The following HK1 variants were observed in gnomAD, a reference collection of about 807,000 sequenced individuals.
HK1 encodes hexokinase-1.
A neutral mutation model predicts 91.6 loss-of-function variants in HK1; 28 were observed. The observed-to-expected ratio is 0.31, with a 90% CI of 0.23 to 0.42. The LOEUF is 0.42. Among genes scored for constraint, HK1 ranks in the 10% least tolerant of loss-of-function variants. The probability of loss-of-function intolerance (pLI) is 1.00; values close to 1 mark genes in which losing one functional copy is unlikely to be tolerated. For synonymous variants in HK1, 430 were observed against 468.1 expected (o/e 0.92, Z 1.05); for missense variants, 770 against 1,219.8 (o/e 0.63, Z 5.49).
chr10:69,344,937 G>A (rs1261521743), intron 2 of HK1, among the ~76,000 whole-genome samples: 1 of 152,070 alleles, frequency 6.6e-6, no homozygotes, highest in Non-Finnish European at 1.5e-5. Context: ...GTGAGTACAC[G>A]ACCAGTGAGT....
chr10:69,308,091 A>T (rs923393174), intron 5 of HK1, among the ~76,000 whole-genome samples: 1 of 152,102 alleles, frequency 6.6e-6, no homozygotes, highest in African/African-American at 2.4e-5. Flanking sequence ...GACCCACCTC[A>T]GCCTCCCAAA....
At chr10:69,372,848 T>C (rs1218441089) in intron 7 of HK1, among the ~76,000 whole-genome samples, 2 of 151,998 alleles carry the variant, frequency 1.3e-5, no homozygotes, top group African/African-American at 4.8e-5. Flanking sequence ...ATTCCAATTT[T>C]TAACCAGGGT....
At chr10:69,381,799 C>T (rs933397932) in intron 9 of HK1, among the ~76,000 whole-genome samples, 1 of 152,324 alleles carries the variant, frequency 6.6e-6, no homozygotes, top group Non-Finnish European at 1.5e-5. Context: ...GGTGATCCAC[C>T]TGCCTTGGCC....
chr10:69,285,551 T>C (rs1844988783), intron 2 of HK1, among the ~76,000 whole-genome samples: 1 of 152,208 alleles, frequency 6.6e-6, no homozygotes, highest in Admixed American at 6.5e-5. Context: ...TAAACTCAAG[T>C]AAATGACACA....
chr10:69,337,210 C>G (rs1295273587), intron 1 of HK1, among the ~76,000 whole-genome samples: 1 of 152,186 alleles, frequency 6.6e-6, no homozygotes, highest in Non-Finnish European at 1.5e-5. Context: ...GTACTTTCCA[C>G]CATGTGAGGA....
In HK1 at chr10:69,349,145, C is replaced by A. The variant is rs1247947697; in HGVS notation, c.226+5156C>A. Among the ~76,000 whole-genome samples, 3 of 152,112 alleles carry A rather than the reference C, an allele frequency of 2.0e-5. No individual in the cohort carries two copies. The East Asian group carries it at 5.8e-4, about 29-fold the overall frequency. On this transcript the variant is annotated intron_variant, in intron 2 of 17. Coordinates refer to ENST00000359426, the MANE Select transcript of HK1 (RefSeq NM_000188.3). ...TTGAAAGAGGAAGTTGGGAGGAAAC[C>A]TATTACTGCAGAAAGAGGCTGAGCT...
At chr10:69,278,910 A>G (rs1194559997) in intron 1 of HK1, 1 of 152,194 alleles carries the variant, frequency 6.6e-6, no homozygotes, top group East Asian at 1.9e-4. Flanking sequence ...CCAGTTGAAG[A>G]GCATGTGGTT....
chr10:69,392,131 G>A lies in HK1; in HGVS notation c.2042G>A (p.Gly681Asp). 1 of 1,614,160 alleles carries A rather than the reference G, an allele frequency of 6.2e-7. No individual in the cohort carries two copies. Among genetic ancestry groups the A allele is most frequent in the Non-Finnish European group, 8.5e-7 (1 of 1,180,032 alleles). ...TCEVGLIVGT[G>D]SNACYMEEMK... ...GCCCCCTCGTGTGTTCCAGGGACCG[G>A]CAGCAATGCCTGCTACATGGAGGAG... The change falls in exon 15 of 18, where the codon GGC becomes GAC. Residue 681 changes from glycine to aspartate, a missense_variant. Around this residue, in one of 7 missense-constraint regions of HK1, gnomAD observed 152 missense variants for 211.1 expected, o/e 0.72. Coordinates refer to ENST00000359426, the MANE Select transcript of HK1 (RefSeq NM_000188.3).
intron 3 of HK1, chr10:69,292,178 C>T (rs1845323665): frequency 7.9e-6 from 2 of 253,798 alleles, no homozygotes; most frequent in Non-Finnish European, 1.6e-5. Flanking sequence ...TCAACTGATC[C>T]TCTTGCCTCA....
At chr10:69,397,211 G>A (rs1840181544) in intron 16 of HK1, among the ~76,000 whole-genome samples, 2 of 152,064 alleles carry the variant, frequency 1.3e-5, no homozygotes, top group African/African-American at 2.4e-5. Flanking sequence ...CTGTTCAGTT[G>A]TTTGTGGAAC....
At chr10:69,346,042 G>A (rs916863941) in intron 2 of HK1, among the ~76,000 whole-genome samples, 3 of 151,916 alleles carry the variant, frequency 2.0e-5, no homozygotes, top group African/African-American at 4.8e-5. Context: ...TGATGCTAAG[G>A]ACTTGGATAC....
rs868505418 is a variant in HK1, at chr10:69,369,672, A to G, written c.875+48A>G. ...TAACCACATATGTGAGTTAGGGGAC[A>G]TTTGATGAAAGATTTGGGATGGGAG... On this transcript the variant is annotated intron_variant, in intron 7 of 17. Coordinates refer to ENST00000359426, the MANE Select transcript of HK1 (RefSeq NM_000188.3). The surrounding 1 kb of genome is among the most constrained non-coding windows in gnomAD (Gnocchi z 4.4). The G allele has an allele frequency of 6.5e-7, 1 of 1,533,114 alleles. No individual in the cohort carries two copies. The highest frequency in any genetic ancestry group is 9.0e-7 in the Non-Finnish European group (1 of 1,115,232). 95.0% of individuals were successfully genotyped at this position (1,533,114 alleles called of 1,614,324 possible). A position where few individuals can be genotyped will look rare whatever the true frequency, so the allele number is the denominator to read the frequency against.
In HK1 at chr10:69,359,768, T is replaced by C. The variant is rs187138353; in HGVS notation, c.227-129T>C. On this transcript the variant is annotated intron_variant, in intron 2 of 17. Coordinates refer to ENST00000359426, the MANE Select transcript of HK1 (RefSeq NM_000188.3). ...TGGATGAAGTTTGCATGATTGCTGC[T>C]TTCTGGCTGATAACAGCATGTGGCA... 3,888 of 893,632 alleles carry C rather than the reference T, an allele frequency of 4.4e-3. 12 individuals are homozygous for C. The highest frequency in any genetic ancestry group is 5.7e-3 in the Non-Finnish European group (3,037 of 536,734). 55.4% of individuals were successfully genotyped at this position (893,632 alleles called of 1,614,324 possible). A position where few individuals can be genotyped will look rare whatever the true frequency, so the allele number is the denominator to read the frequency against.
intron 4 of HK1, chr10:69,295,805 G>A (rs1845536673): frequency 1.4e-6 from 1 of 720,574 alleles, no homozygotes; most frequent in South Asian, 1.5e-5. Flanking sequence ...CTTCTCCAGG[G>A]TGTGGAGCAG....
intron 1 of HK1, among the ~76,000 whole-genome samples, chr10:69,330,900 A>G (rs867483689): frequency 6.9e-6 from 1 of 144,350 alleles, no homozygotes; most frequent in Non-Finnish European, 1.5e-5. Context: ...TTTTTTTTTG[A>G]GACAGTTCTC....
chr10:69,373,400 G>A (rs973873516), intron 7 of HK1, among the ~76,000 whole-genome samples: 2 of 152,164 alleles, frequency 1.3e-5, no homozygotes, highest in Non-Finnish European at 2.9e-5. Flanking sequence ...AACCTGCTTT[G>A]AGTGTTCAGG....
intron 5 of HK1, chr10:69,300,877 T>A: frequency 7.5e-7 from 1 of 1,332,618 alleles, no homozygotes. Flanking sequence ...TAGAAAATCC[T>A]GGAATACCCA....
chr10:69,322,688 C>T (rs568823166), intron 1 of HK1, among the ~76,000 whole-genome samples: 9 of 150,988 alleles, frequency 6.0e-5, no homozygotes, highest in South Asian at 4.2e-4. Context: ...GTCGGGAGTT[C>T]GAGACCAGCC....
intron 5 of HK1, among the ~76,000 whole-genome samples, chr10:69,302,862 G>A (rs1247098756): frequency 2.6e-5 from 4 of 152,030 alleles, no homozygotes; most frequent in Admixed American, 6.6e-5. Context: ...CAGGTTACAT[G>A]TGGAGCCCAT....
Sources: gnomAD v4.1 joint callset for allele counts (sites outside exome capture counted in the v4.1 genomes callset) on GRCh38, gnomAD v4.1.1 for gene constraint, gnomAD v4.1.1 regional missense constraint, Gnocchi (gnomAD v3.1) non-coding constraint, MANE v1.5 for transcripts, NCBI Gene and HGNC (gene_info 2026-07-23, HGNC 2026-07-21) for gene names.